Variants in CNTN6 observed in about 807,000 individuals in gnomAD.
CNTN6 encodes contactin 6.
Under a neutral mutation model 122.8 loss-of-function variants are expected in CNTN6, and 137 were observed. The observed-to-expected ratio is 1.12, with a 90% CI of 0.97 to 1.29. The LOEUF is 1.29. CNTN6 is among the 50% of genes most tolerant of loss of function. CNTN6 has a pLI of 0.00. For missense variants in CNTN6, 1,634 were observed against 1,223.4 expected, an observed-to-expected ratio of 1.34 and a Z score of -5.01; for synonymous variants, 570 against 426.0, an observed-to-expected ratio of 1.34 and a Z score of -4.16.
intron 12 of CNTN6, among the ~76,000 whole-genome samples, chr3:1,365,163 G>T (rs893973396): frequency 9.2e-5 from 14 of 152,054 alleles, no homozygotes; most frequent in Non-Finnish European, 1.6e-4. Flanking sequence ...ACATCACTCA[G>T]AGTCAATAGA....
chr3:1,305,540 A>T (rs1184752932), intron 7 of CNTN6, among the ~76,000 whole-genome samples: 1 of 152,194 alleles, frequency 6.6e-6, no homozygotes, highest in African/African-American at 2.4e-5. Context: ...CAAATGTAGT[A>T]TGATTGACTG....
intron 2 of CNTN6, among the ~76,000 whole-genome samples, chr3:1,192,067 G>A (rs1181062636): frequency 6.6e-6 from 1 of 152,094 alleles, no homozygotes; most frequent in African/African-American, 2.4e-5. Context: ...TCTTCAATCT[G>A]CCTCGTCCTT....
At chr3:1,383,568 C>T (rs1331589056) in intron 19 of CNTN6, among the ~76,000 whole-genome samples, 160 bp downstream of exon 19, 2 of 152,088 alleles carry the variant, frequency 1.3e-5, no homozygotes, top group Non-Finnish European at 1.5e-5. Flanking sequence ...GGTGAGCCCC[C>T]ACATTGAGAG....
chr3:1,106,448 C>T (rs115516185), intron 1 of CNTN6, among the ~76,000 whole-genome samples: 10,601 of 151,832 alleles, frequency 0.07, 453 homozygotes, highest in Non-Finnish European at 0.09. Flanking sequence ...TGGAACAAAC[C>T]TGTGTTTGAT....
chr3:1,385,298 T>G (rs1255581349), intron 19 of CNTN6, among the ~76,000 whole-genome samples: 1 of 152,170 alleles, frequency 6.6e-6, no homozygotes. Context: ...TGTGTTTTTG[T>G]CTGACTTGTT....
At chr3:1,400,675 T>C (rs1323409493) in intron 20 of CNTN6, among the ~76,000 whole-genome samples, 1 of 152,070 alleles carries the variant, frequency 6.6e-6, no homozygotes, top group Non-Finnish European at 1.5e-5. Context: ...TACGACCAAA[T>C]GAAGTCAATC....
chr3:1,133,330 AC>A (rs2092388243), intron 1 of CNTN6, among the ~76,000 whole-genome samples: 1 of 152,160 alleles, frequency 6.6e-6, no homozygotes, highest in Non-Finnish European at 1.5e-5. Flanking sequence ...TTTTGTACTT[AC>A]TTTTGTAGTA....
intron 3 of CNTN6, among the ~76,000 whole-genome samples, chr3:1,221,291 T>G (rs1263617626): frequency 6.6e-6 from 1 of 152,100 alleles, no homozygotes; most frequent in East Asian, 1.9e-4. Flanking sequence ...TTCCTCAATT[T>G]GAAAGACTAA....
chr3:1,218,004 G>A (rs2094151509), intron 2 of CNTN6, among the ~76,000 whole-genome samples: 1 of 152,134 alleles, frequency 6.6e-6, no homozygotes, highest in African/African-American at 2.4e-5. Context: ...CAAATGCCAT[G>A]AATTGGAGCT....
chr3:1,309,368 G>C (rs1698875624), intron 7 of CNTN6, among the ~76,000 whole-genome samples: 1 of 152,110 alleles, frequency 6.6e-6, no homozygotes, highest in Non-Finnish European at 1.5e-5. Flanking sequence ...AATCGTTCCA[G>C]TATCTGTTAA....
chr3:1,355,684 A>C (rs1489377049), intron 12 of CNTN6, among the ~76,000 whole-genome samples: 2 of 151,752 alleles, frequency 1.3e-5, no homozygotes, highest in Non-Finnish European at 3.0e-5. Context: ...AAATCAGTGT[A>C]TAGTGACCTT....
At chr3:1,244,613 G>C (rs1021633748) in intron 4 of CNTN6, among the ~76,000 whole-genome samples, 5 of 152,220 alleles carry the variant, frequency 3.3e-5, no homozygotes, top group African/African-American at 1.2e-4. Context: ...CCGAGTCACA[G>C]CACCAAATTT....
intron 5 of CNTN6, among the ~76,000 whole-genome samples, chr3:1,291,982 G>C (rs984732780): frequency 6.6e-6 from 1 of 152,064 alleles, no homozygotes; most frequent in African/African-American, 2.4e-5. Context: ...GAGGCTGAAG[G>C]AAACCATTCG....
At chr3:1,277,603 T>TCC (rs1371589949) in intron 4 of CNTN6, among the ~76,000 whole-genome samples, 87 of 152,192 alleles carry the variant, frequency 5.7e-4, no homozygotes, top group African/African-American at 1.9e-3. Context: ...ACAAGCAACT[T>TCC]GCCTGACTCA....
chr3:1,343,554 T>A (rs1044885275), intron 11 of CNTN6, among the ~76,000 whole-genome samples: 7 of 152,188 alleles, frequency 4.6e-5, no homozygotes, highest in African/African-American at 1.7e-4. Context: ...AATATACATC[T>A]GGCTCTAGAA....
At chr3:1,176,776 T>C (rs756768688) in intron 2 of CNTN6, among the ~76,000 whole-genome samples, 9 of 152,086 alleles carry the variant, frequency 5.9e-5, no homozygotes, top group Admixed American at 5.9e-4. Context: ...CAACAATTCA[T>C]AGATAGATGT....
At chr3:1,249,162 A>T (rs1439634237) in intron 4 of CNTN6, among the ~76,000 whole-genome samples, 1 of 152,172 alleles carries the variant, frequency 6.6e-6, no homozygotes, top group African/African-American at 2.4e-5. Flanking sequence ...TAGCATTACC[A>T]TAGGGGTCAA....
In CNTN6 at chr3:1,373,676, C is replaced by G. The variant is rs773716396; in HGVS notation, c.1859C>G (p.Ala620Gly). The G allele has an allele frequency of 6.2e-7, 1 of 1,613,060 alleles. No individual in the cohort carries two copies. Among genetic ancestry groups the G allele is most frequent in the Non-Finnish European group, 8.5e-7 (1 of 1,179,360 alleles). Residue 620 changes from alanine to glycine, a missense_variant, in exon 15 of 23, where the codon GCA becomes GGA. Transcript: ENST00000446702. ...SSTTSQLSWR[A>G]GPDNNSPIQI... ...ACTACTTCTCAACTAAGTTGGAGAG[C>G]AGGCCCAGATAATAACAGTCCCATT...
chr3:1,120,373 G>A (rs1343549786), intron 1 of CNTN6, among the ~76,000 whole-genome samples: 42 of 151,832 alleles, frequency 2.8e-4, no homozygotes, highest in Non-Finnish European at 5.9e-5. Context: ...GGCATGGTCA[G>A]TCTTTTTAGT....
Sources: gnomAD v4.1 joint callset for allele counts (sites outside exome capture counted in the v4.1 genomes callset) on GRCh38, gnomAD v4.1.1 for gene constraint, MANE v1.5 for transcripts, NCBI Gene and HGNC (gene_info 2026-07-23, HGNC 2026-07-21) for gene names.